The following NRG1 variants were observed in gnomAD, a reference collection of about 807,000 sequenced individuals.
The protein encoded by NRG1 is neuregulin 1, also known as pro-neuregulin-1, membrane-bound isoform.
A neutral mutation model predicts 63.8 loss-of-function variants in NRG1; 18 were observed. The observed-to-expected ratio is 0.28, with a 90% CI of 0.19 to 0.42. NRG1 has a LOEUF of 0.42. Among genes scored for constraint, NRG1 ranks in the 10% least tolerant of loss-of-function variants. The probability of loss-of-function intolerance (pLI) is 1.00; values close to 1 mark genes in which losing one functional copy is unlikely to be tolerated. For missense variants in NRG1, 762 were observed against 814.7 expected, an observed-to-expected ratio of 0.94 and a Z score of 0.79; for synonymous variants, 302 against 301.3, an observed-to-expected ratio of 1.00 and a Z score of -0.02.
At chr8:32,747,636 C>T (rs1456598148) in intron 7 of NRG1, among the ~76,000 whole-genome samples, 1 of 151,244 alleles carries the variant, frequency 6.6e-6, no homozygotes, top group Admixed American at 6.6e-5. Context: ...ACACTGGACC[C>T]AAGGCAGAGG....
chr8:32,618,762 G>A (rs1847816443), intron 5 of NRG1, among the ~76,000 whole-genome samples: 2 of 152,104 alleles, frequency 1.3e-5, no homozygotes, highest in African/African-American at 4.8e-5. Flanking sequence ...ATATTAGAAG[G>A]TGCTACGTAG....
chr8:32,258,157 C>T (rs575449155), intron 1 of NRG1, among the ~76,000 whole-genome samples: 3 of 152,200 alleles, frequency 2.0e-5, no homozygotes, highest in Non-Finnish European at 2.9e-5. Context: ...TATGCACACT[C>T]ATCTCCTGAA....
intron 1 of NRG1, among the ~76,000 whole-genome samples, chr8:32,533,772 A>G (rs1831689689): frequency 2.0e-5 from 3 of 152,060 alleles, no homozygotes; most frequent in South Asian, 2.1e-4. Flanking sequence ...ATAACAGAAC[A>G]TCTTCCCTCA....
At chr8:32,178,540 G>A (rs1260417534) in intron 1 of NRG1, among the ~76,000 whole-genome samples, 2 of 152,198 alleles carry the variant, frequency 1.3e-5, no homozygotes, top group Non-Finnish European at 2.9e-5. Flanking sequence ...AACCCTGGAG[G>A]TGGAGGTTGC....
chr8:31,842,570 T>C (rs1826292865), intron 1 of NRG1, among the ~76,000 whole-genome samples: 1 of 152,166 alleles, frequency 6.6e-6, no homozygotes, highest in Admixed American at 6.5e-5. Flanking sequence ...TGCCTGACCA[T>C]CATGTTCCTT....
intron 1 of NRG1, among the ~76,000 whole-genome samples, chr8:31,731,929 C>G (rs1438639102): frequency 6.6e-6 from 1 of 152,228 alleles, no homozygotes; most frequent in African/African-American, 2.4e-5. Context: ...ATACCTCTGT[C>G]ATGGGGTTGC....
At chr8:32,353,310 A>T (rs955506884) in intron 1 of NRG1, among the ~76,000 whole-genome samples, 13 of 150,846 alleles carry the variant, frequency 8.6e-5, no homozygotes, top group Non-Finnish European at 1.8e-4. Flanking sequence ...AATAAGAAAA[A>T]TCACTGAATA....
intron 1 of NRG1, among the ~76,000 whole-genome samples, chr8:32,569,870 C>T (rs1018584084): frequency 1.3e-5 from 2 of 150,954 alleles, no homozygotes; most frequent in Admixed American, 6.6e-5. Context: ...CAAGCCCTCT[C>T]AACAATTCTA....
At chr8:32,225,499 T>C (rs1846229100) in intron 1 of NRG1, among the ~76,000 whole-genome samples, 2 of 152,148 alleles carry the variant, frequency 1.3e-5, no homozygotes, top group African/African-American at 4.8e-5. Context: ...GTTTTTTTCT[T>C]TCTACATTCT....
chr8:31,686,859 C>T (rs1479876618), intron 1 of NRG1, among the ~76,000 whole-genome samples: 1 of 152,062 alleles, frequency 6.6e-6, no homozygotes, highest in Non-Finnish European at 1.5e-5. Context: ...ACCTCCGCTT[C>T]CTTGGTTCAA....
At chr8:32,065,183 TTTTC>T (rs1423952073) in intron 1 of NRG1, among the ~76,000 whole-genome samples, 2 of 151,962 alleles carry the variant, frequency 1.3e-5, no homozygotes, top group African/African-American at 2.4e-5. Context: ...GCCATCGATT[TTTTC>T]TTTCTTTCTT....
chr8:32,552,210 C>CTTT (rs35243877), intron 1 of NRG1, among the ~76,000 whole-genome samples: 1 of 124,764 alleles, frequency 8.0e-6, no homozygotes, highest in Non-Finnish European at 1.7e-5. Context: ...CGCTTGGCCG[C>CTTT]TTTTTTTTTT....
At chr8:31,681,950 G>C (rs967804584) in intron 1 of NRG1, among the ~76,000 whole-genome samples, 4 of 152,090 alleles carry the variant, frequency 2.6e-5, no homozygotes, top group Admixed American at 2.6e-4. Flanking sequence ...CTATGCTGCT[G>C]CATCAGTATT....
chr8:32,033,091 A>ATTTTTT (rs898802902), intron 1 of NRG1, among the ~76,000 whole-genome samples: 6 of 111,610 alleles, frequency 5.4e-5, no homozygotes, highest in African/African-American at 1.7e-4. Context: ...TGTGCAGTCT[A>ATTTTTT]TTTTTTTTTT....
At chr8:32,488,714 A>T (rs1369577775) in intron 1 of NRG1, among the ~76,000 whole-genome samples, 1 of 152,110 alleles carries the variant, frequency 6.6e-6, no homozygotes, top group Non-Finnish European at 1.5e-5. Flanking sequence ...TGCTCTCTTA[A>T]CTCCATGATC....
intron 1 of NRG1, among the ~76,000 whole-genome samples, chr8:32,388,630 C>T (rs1019975404): frequency 6.8e-6 from 1 of 147,022 alleles, no homozygotes; most frequent in East Asian, 2.0e-4. Flanking sequence ...TTCAGCTCAT[C>T]CATTTGGTTA....
rs925819994 is a variant in NRG1, at chr8:32,602,969, C to T, written c.279-2593C>T. Among the ~76,000 whole-genome samples, 10 of 152,160 alleles carry T rather than the reference C, an allele frequency of 6.6e-5. No homozygotes were observed. In the South Asian group the frequency reaches 1.2e-3, roughly 19 times the overall value. ...GTGATATTCTAATATTGTTTTATTT[C>T]GATAATTTTAAAAGTTGTCATATTT... On this transcript the variant is annotated intron_variant, in intron 2 of 11. Coordinates refer to ENST00000356819, the Ensembl canonical transcript of NRG1.
At chr8:32,604,908 CAG>C (rs1420313724) in intron 2 of NRG1, among the ~76,000 whole-genome samples, 22 of 151,976 alleles carry the variant, frequency 1.4e-4, no homozygotes, top group African/African-American at 5.1e-4. Flanking sequence ...ATGTAATATT[CAG>C]AGTTTTATAA....
At chr8:32,016,813 T>G (rs1405770245) in intron 1 of NRG1, among the ~76,000 whole-genome samples, 1 of 152,108 alleles carries the variant, frequency 6.6e-6, no homozygotes, top group Non-Finnish European at 1.5e-5. Context: ...GAGATGGTGG[T>G]AGGTAACTGA....
Sources: gnomAD v4.1 joint callset for allele counts (sites outside exome capture counted in the v4.1 genomes callset) on GRCh38, gnomAD v4.1.1 for gene constraint, MANE v1.5 for transcripts, NCBI Gene and HGNC (gene_info 2026-07-23, HGNC 2026-07-21) for gene names.